SEMA6A: variants seen among roughly 807,000 people sequenced by gnomAD.
SEMA6A encodes semaphorin 6A, also known as semaphorin-6A.
SEMA6A carries 25 observed loss-of-function variants against 96.8 expected under a neutral mutation model. The observed-to-expected ratio is 0.26, with a 90% CI of 0.19 to 0.36. The LOEUF is 0.36. SEMA6A is among the 10% of genes least tolerant of loss of function. The pLI is 1.00. For synonymous variants in SEMA6A, 612 were observed against 518.0 expected (o/e 1.18, Z -2.46); for missense variants, 1,363 against 1,323.1 (o/e 1.03, Z -0.47).
intron 18 of SEMA6A, among the ~76,000 whole-genome samples, chr5:116,451,174 A>G (rs566505776): frequency 5.4e-4 from 82 of 152,342 alleles, no homozygotes; most frequent in Admixed American, 2.5e-3. Flanking sequence ...TTACTGCCTT[A>G]CTGGATTGTT....
intron 1 of SEMA6A, among the ~76,000 whole-genome samples, chr5:116,557,983 C>T (rs552409339): frequency 6.6e-6 from 1 of 152,334 alleles, no homozygotes; most frequent in South Asian, 2.1e-4. Context: ...GATACCAACT[C>T]AAATATGGTG....
At position 116,443,616 on chromosome 5, in the gene SEMA6A, T is replaced by C. The variant is rs533098518; in HGVS notation, c.*2997A>G. ...ATAAAGAGCCTTTTCCTTGCTTTTC[T>C]TTTTTCCCTTTTTTTCTTTTCTTTT... On this transcript the variant is annotated 3_prime_UTR_variant, in exon 19 of 19. Coordinates refer to ENST00000343348, the MANE Select transcript of SEMA6A (RefSeq NM_020796.5). The C allele has an allele frequency of 1.3e-5, 2 of 152,800 alleles. No homozygotes were observed. The highest frequency in any genetic ancestry group is 2.9e-5 in the Non-Finnish European group (2 of 68,040). 9.5% of individuals were successfully genotyped at this position (152,800 alleles called of 1,614,324 possible). A position where few individuals can be genotyped will look rare whatever the true frequency, so the allele number is the denominator to read the frequency against.
Position 116,447,329 on chromosome 5 carries a change from G to A in SEMA6A, c.2377C>T (p.Pro793Ser). The change falls in exon 19 of 19, where the codon CCC (proline) becomes TCC (serine). Residue 793 changes from proline to serine, a missense_variant. Physicochemically the swap from Pro to Ser is moderately conservative, Grantham distance 74 (BLOSUM62 -1). Coordinates refer to ENST00000343348, the MANE Select transcript of SEMA6A (RefSeq NM_020796.5). The stretch of plus-strand genomic sequence containing the variant: ...GTGGGAATCACAGGGGAGCCCATGG[G>A]GGGCATGTCCTTTGTGCAGGCATTG... The part of the protein sequence containing the change: ...LINACTKDMP[P>S]MGSPVIPTDL... 6.2e-7 allele frequency: 1 copy of A among 1,613,850 alleles called. No homozygotes were observed. Among genetic ancestry groups the A allele is most frequent in the Non-Finnish European group, 8.5e-7 (1 of 1,179,898 alleles).
At chr5:116,568,821 TACACACACACACAC>T (rs10531207) in intron 1 of SEMA6A, among the ~76,000 whole-genome samples, 1 of 150,642 alleles carries the variant, frequency 6.6e-6, no homozygotes, top group African/African-American at 2.4e-5. Context: ...TGGAAGATTG[TACACACACACACAC>T]ACACACACAC....
intron 15 of SEMA6A, among the ~76,000 whole-genome samples, chr5:116,475,804 T>C (rs2112678661): frequency 6.6e-6 from 1 of 152,286 alleles, no homozygotes; most frequent in East Asian, 1.9e-4. Context: ...AGAGAAGCCA[T>C]GGTTTAAGCA....
intron 1 of SEMA6A, among the ~76,000 whole-genome samples, chr5:116,509,389 T>C (rs1255616958): frequency 2.0e-5 from 3 of 152,134 alleles, no homozygotes; most frequent in Admixed American, 6.6e-5. Context: ...TCATATGAAG[T>C]TTTAAAGATA....
In SEMA6A at chr5:116,446,495, G is replaced by A; in HGVS notation, c.*118C>T. 6.8e-6 allele frequency: 6 copies of A among 878,564 alleles called. No homozygotes were observed. The highest frequency in any genetic ancestry group is 2.5e-5 in the South Asian group (1 of 40,648). The allele number at this position is 878,564 out of a possible 1,614,324, so 54.4% of individuals were successfully genotyped here. On this transcript the variant is annotated 3_prime_UTR_variant, in exon 19 of 19. Transcript: ENST00000343348. The stretch of plus-strand genomic sequence containing the variant: ...CCAGAGAGGAGGACCCAGCGTCCTC[G>A]GCTCTGCCGCAGGCCTTCTTGGTCT...
chr5:116,513,019 C>A (rs1036689992), intron 1 of SEMA6A, among the ~76,000 whole-genome samples: 6 of 151,970 alleles, frequency 3.9e-5, no homozygotes, highest in African/African-American at 1.5e-4. Context: ...TTTGTGGGTA[C>A]AAGGTAGGTG....
intron 6 of SEMA6A, among the ~76,000 whole-genome samples, chr5:116,494,846 G>C (rs986802742): frequency 6.6e-6 from 1 of 152,200 alleles, no homozygotes; most frequent in African/African-American, 2.4e-5. Flanking sequence ...TCCTTCATCA[G>C]CACCTCTGTT....
At chr5:116,543,352 A>G (rs1207225788) in intron 1 of SEMA6A, among the ~76,000 whole-genome samples, 1 of 152,222 alleles carries the variant, frequency 6.6e-6, no homozygotes, top group Non-Finnish European at 1.5e-5. Flanking sequence ...CACTATGCTC[A>G]CGTTTTCACG....
intron 17 of SEMA6A, chr5:116,471,428 C>A (rs1025783831): frequency 1.3e-5 from 2 of 152,082 alleles, no homozygotes; most frequent in African/African-American, 4.8e-5. Flanking sequence ...TGGTTCAATT[C>A]GTTTCAAGAT....
At chr5:116,464,716 C>T (rs1019212791) in intron 18 of SEMA6A, among the ~76,000 whole-genome samples, 4 of 152,038 alleles carry the variant, frequency 2.6e-5, no homozygotes, top group Admixed American at 2.0e-4. Flanking sequence ...GTGAGGGACG[C>T]ACAGGATTAA....
chr5:116,504,348 A>G (rs1289641324), intron 2 of SEMA6A, among the ~76,000 whole-genome samples: 2 of 152,300 alleles, frequency 1.3e-5, no homozygotes, highest in South Asian at 4.1e-4. Flanking sequence ...AAAGTTATAA[A>G]CAGTTAAAAT....
intron 1 of SEMA6A, among the ~76,000 whole-genome samples, chr5:116,570,822 T>C (rs778465118): frequency 1.3e-5 from 2 of 152,234 alleles, no homozygotes; most frequent in African/African-American, 2.4e-5. Context: ...CCATTTACTT[T>C]TAAAGCATAA....
intron 1 of SEMA6A, among the ~76,000 whole-genome samples, chr5:116,567,970 T>C (rs1761078401): frequency 6.6e-6 from 1 of 152,236 alleles, no homozygotes; most frequent in African/African-American, 2.4e-5. Flanking sequence ...AAGCAATGTT[T>C]CCTTGACATG....
At position 116,536,866 on chromosome 5, in the gene SEMA6A, T is replaced by TAAAAAAAAAAAAAAAAAAAAA. The variant is rs72214884; in HGVS notation, c.-38-31905_-38-31885dup. On this transcript the variant is annotated intron_variant, in intron 1 of 18. Transcript: ENST00000343348. ...TTTATTCAGTCCCCGTGTGATTTCT[T>TAAAAAAAAAAAAAAAAAAAAA]AAAAAAAAAAAAAAAAAAAAAAAAA... 2.6e-4 allele frequency among the ~76,000 whole-genome samples: 18 copies of TAAAAAAAAAAAAAAAAAAAAA among 69,522 alleles called. 1 individual carries two copies. The highest frequency in any genetic ancestry group is 3.3e-4 in the African/African-American group (7 of 21,024). The allele number at this position is 69,522 out of a possible 152,430, so 45.6% of individuals were successfully genotyped here.
chr5:116,478,735 A>G lies in SEMA6A; in HGVS notation c.1251-17T>C. On this transcript the variant is annotated splice_polypyrimidine_tract_variant and intron_variant, in intron 12 of 18. Transcript: ENST00000343348. ...AGGCGGTATCTAAAATGACAGGACCACATTTCTTATCTCTTTGTTGGTCTA... is the reference window on the plus strand; with the variant it reads ...AGGCGGTATCTAAAATGACAGGACCGCATTTCTTATCTCTTTGTTGGTCTA... 6.2e-7 allele frequency: 1 copy of G among 1,608,730 alleles called. No homozygotes were observed. Among genetic ancestry groups the G allele is most frequent in the Non-Finnish European group, 8.5e-7 (1 of 1,177,448 alleles).
intron 3 of SEMA6A, among the ~76,000 whole-genome samples, chr5:116,500,216 G>C (rs1302156652): frequency 6.6e-6 from 1 of 152,124 alleles, no homozygotes; most frequent in Non-Finnish European, 1.5e-5. Flanking sequence ...CTATTACAAG[G>C]GTATTCTCAG....
At chr5:116,461,539 A>G (rs1033491058) in intron 18 of SEMA6A, among the ~76,000 whole-genome samples, 4 of 152,142 alleles carry the variant, frequency 2.6e-5, no homozygotes, top group Non-Finnish European at 4.4e-5. Context: ...AATTTTAAAT[A>G]TGAGTCTTTT....
Sources: gnomAD v4.1 joint callset for allele counts (sites outside exome capture counted in the v4.1 genomes callset) on GRCh38, gnomAD v4.1.1 for gene constraint, MANE v1.5 for transcripts, NCBI Gene and HGNC (gene_info 2026-07-23, HGNC 2026-07-21) for gene names.